ADAM10: variants seen among roughly 807,000 people sequenced by gnomAD.
ADAM10 encodes the protein disintegrin and metalloproteinase domain-containing protein 10.
In ADAM10, 17 loss-of-function variants were observed where a neutral mutation model predicts 90.1. That is an observed-to-expected ratio of 0.19 (90% CI 0.13 to 0.28). The LOEUF is 0.28. ADAM10 is among the 10% of genes least tolerant of loss of function. ADAM10 has a pLI of 1.00. For missense variants in ADAM10, 610 were observed against 914.3 expected (o/e 0.67, Z 4.29); for synonymous variants, 310 against 298.6 (o/e 1.04, Z -0.40).
chr15:58,646,409 C>A (rs1421614238), intron 5 of ADAM10, among the ~76,000 whole-genome samples: 1 of 152,162 alleles, frequency 6.6e-6, no homozygotes, highest in Admixed American at 6.5e-5. Flanking sequence ...GGAACTCCTT[C>A]ACTTTTAAAC....
intron 15 of ADAM10, among the ~76,000 whole-genome samples, chr15:58,598,518 A>G (rs957562450): frequency 5.9e-5 from 9 of 152,230 alleles, no homozygotes. Context: ...AACTGAGGGA[A>G]AACAGAGAAA....
chr15:58,597,135 T>C lies in ADAM10; in HGVS notation c.*412A>G, dbSNP rs201478481. The C allele has an allele frequency of 1.2e-5, 5 of 433,518 alleles. No homozygotes were observed. In the South Asian group the frequency reaches 1.2e-4, roughly 10 times the overall value. 26.9% of individuals were successfully genotyped at this position (433,518 alleles called of 1,614,324 possible). A position where few individuals can be genotyped will look rare whatever the true frequency, so the allele number is the denominator to read the frequency against. ...ACATTGGCAAGTGATGTCTCCAATGTTGAGGTGGTCGAGCCTCCTAGCCTT... is the reference window on the plus strand; with the variant it reads ...ACATTGGCAAGTGATGTCTCCAATGCTGAGGTGGTCGAGCCTCCTAGCCTT... On this transcript the variant is annotated 3_prime_UTR_variant, in exon 16 of 16. Coordinates refer to ENST00000260408, the MANE Select transcript of ADAM10 (RefSeq NM_001110.4).
intron 2 of ADAM10, among the ~76,000 whole-genome samples, chr15:58,705,741 A>G (rs1898264483): frequency 6.6e-6 from 1 of 152,206 alleles, no homozygotes; most frequent in Admixed American, 6.5e-5. Context: ...GAATAGTTAG[A>G]ATATAGAGTA....
At chr15:58,613,141 CCA>C (rs1895498659) in intron 11 of ADAM10, among the ~76,000 whole-genome samples, 2 of 152,304 alleles carry the variant, frequency 1.3e-5, no homozygotes, top group East Asian at 3.9e-4. Flanking sequence ...GCATCCATTA[CCA>C]CAAACTTCTA....
intron 9 of ADAM10, among the ~76,000 whole-genome samples, chr15:58,632,710 C>T (rs919913290): frequency 2.0e-5 from 3 of 152,030 alleles, no homozygotes; most frequent in Non-Finnish European, 4.4e-5. Context: ...TCTCATTCCA[C>T]GGTAGAGAAA....
At position 58,593,834 on chromosome 15, in the gene ADAM10, A is replaced by G. The variant is rs1308670167; in HGVS notation, c.*3713T>C. 1 of 152,242 alleles carries G rather than the reference A, an allele frequency of 6.6e-6. No homozygotes were observed. The highest frequency in any genetic ancestry group is 2.4e-5 in the African/African-American group (1 of 41,458). 9.4% of individuals were successfully genotyped at this position (152,242 alleles called of 1,614,324 possible). ...AATTTCTACTGAAAATAGTACATAC[A>G]TGTATATATCTAAGACACACAAACA... is the stretch of plus-strand genomic sequence containing the variant. On this transcript the variant is annotated 3_prime_UTR_variant, in exon 16 of 16. Transcript: ENST00000260408.
intron 5 of ADAM10, among the ~76,000 whole-genome samples, chr15:58,664,860 G>T (rs376584313): frequency 4.6e-5 from 7 of 152,000 alleles, no homozygotes; most frequent in Non-Finnish European, 8.8e-5. Flanking sequence ...AACAAAACAT[G>T]TAAAGGATAG....
intron 2 of ADAM10, among the ~76,000 whole-genome samples, chr15:58,693,294 T>G (rs2045216418): frequency 6.6e-6 from 1 of 152,244 alleles, no homozygotes; most frequent in South Asian, 2.1e-4. Context: ...ACTCAAGAGC[T>G]AATTCTTTAT....
At chr15:58,735,306 T>C (rs926082630) in intron 1 of ADAM10, among the ~76,000 whole-genome samples, 3 of 152,194 alleles carry the variant, frequency 2.0e-5, no homozygotes, top group Non-Finnish European at 4.4e-5. Flanking sequence ...CTTTCATCAC[T>C]ATTAGATATA....
intron 10 of ADAM10, among the ~76,000 whole-genome samples, chr15:58,622,898 T>C (rs1895828465): frequency 6.6e-6 from 1 of 152,226 alleles, no homozygotes; most frequent in African/African-American, 2.4e-5. Context: ...CCAAGGAGTC[T>C]GTAACTTGCT....
intron 1 of ADAM10, among the ~76,000 whole-genome samples, chr15:58,720,388 TATTTTATTTTATTTTA>T (rs1268550369): frequency 2.5e-5 from 2 of 80,464 alleles, no homozygotes; most frequent in African/African-American, 9.3e-5. Context: ...TATTTTATTT[TATTTTATTTTATTTTA>T]TTTTTTTTTT....
At chr15:58,706,400 G>A (rs1461281979) in intron 2 of ADAM10, among the ~76,000 whole-genome samples, 2 of 152,118 alleles carry the variant, frequency 1.3e-5, no homozygotes, top group African/African-American at 4.8e-5. Context: ...CATTTCTGAT[G>A]TTTCCAGATA....
chr15:58,634,148 T>C (rs1416235258), intron 8 of ADAM10, among the ~76,000 whole-genome samples: 1 of 151,792 alleles, frequency 6.6e-6, no homozygotes, highest in East Asian at 1.9e-4. Flanking sequence ...CCATCTCTAC[T>C]AAAAATACAA....
chr15:58,624,475 T>C (rs997494730), intron 10 of ADAM10, among the ~76,000 whole-genome samples: 6 of 152,210 alleles, frequency 3.9e-5, no homozygotes, highest in Non-Finnish European at 8.8e-5. Flanking sequence ...TTTTATTTCA[T>C]ATAAAATTAG....
At position 58,681,121 on chromosome 15, in the gene ADAM10, A is replaced by G. The variant is rs151157807; in HGVS notation, c.325+1075T>C. 3.1e-3 allele frequency among the ~76,000 whole-genome samples: 476 copies of G among 152,310 alleles called. 2 individuals carry two copies. The highest frequency in any genetic ancestry group is 0.011 in the African/African-American group (457 of 41,568). Reference sequence around the variant, plus strand: ...TGCTACCATGCCTGGCCTAAATAACATGATTTTTATCTGCAATCTCATTTA... The same window carrying G: ...TGCTACCATGCCTGGCCTAAATAACGTGATTTTTATCTGCAATCTCATTTA... On this transcript the variant is annotated intron_variant, in intron 3 of 15. Transcript: ENST00000260408.
At chr15:58,749,332 G>C (rs1248732426) in intron 1 of ADAM10, 148 bp downstream of exon 1, 3 of 1,098,326 alleles carry the variant, frequency 2.7e-6, no homozygotes, top group South Asian at 4.6e-5. Flanking sequence ...GGGACAATAG[G>C]GAGCGGGGAG....
chr15:58,613,950 T>C (rs1313969070), intron 11 of ADAM10, among the ~76,000 whole-genome samples: 2 of 152,178 alleles, frequency 1.3e-5, no homozygotes, highest in Non-Finnish European at 2.9e-5. Context: ...AGCCCATCTC[T>C]GCAACCAATC....
chr15:58,660,913 A>G (rs1896950603), intron 5 of ADAM10, among the ~76,000 whole-genome samples: 1 of 152,234 alleles, frequency 6.6e-6, no homozygotes. Flanking sequence ...CAACCTATCA[A>G]TGAATAGGTG....
intron 2 of ADAM10, among the ~76,000 whole-genome samples, chr15:58,686,137 C>T (rs1376661454): frequency 6.6e-6 from 1 of 152,142 alleles, no homozygotes; most frequent in Non-Finnish European, 1.5e-5. Context: ...TCAATACTAT[C>T]GTGGATGCAT....
Sources: gnomAD v4.1 joint callset for allele counts (sites outside exome capture counted in the v4.1 genomes callset) on GRCh38, gnomAD v4.1.1 for gene constraint, MANE v1.5 for transcripts, NCBI Gene and HGNC (gene_info 2026-07-23, HGNC 2026-07-21) for gene names.